Variants in EXD3 observed in about 807,000 individuals in gnomAD.
EXD3 encodes the protein exonuclease mut-7 homolog.
In EXD3, 92 loss-of-function variants were observed where a neutral mutation model predicts 98.0. The observed-to-expected ratio is 0.94, with a 90% CI of 0.79 to 1.12. The LOEUF (loss-of-function observed/expected upper bound fraction) is 1.12. Ranked by LOEUF, EXD3 falls within the 50% of genes most tolerant of loss-of-function variation. The pLI is 0.00. For missense variants in EXD3, 1,222 were observed against 1,191.6 expected (o/e 1.03, Z -0.38); for synonymous variants, 569 against 526.0 (o/e 1.08, Z -1.12).
intron 20 of EXD3, 38 bp from the exon 21 acceptor site, chr9:137,307,684 T>C: frequency 6.2e-7 from 1 of 1,604,490 alleles, no homozygotes; most frequent in Non-Finnish European, 8.5e-7. Context: ...GGGACTGTCC[T>C]AGGGATGGGG....
chr9:137,372,093 C>G (rs1227605079), intron 5 of EXD3, among the ~76,000 whole-genome samples: 1 of 152,198 alleles, frequency 6.6e-6, no homozygotes, highest in African/African-American at 2.4e-5. Context: ...CACTGTGATT[C>G]CAACAGCTCC....
chr9:137,388,790 C>A (rs1049766852), intron 2 of EXD3, among the ~76,000 whole-genome samples: 1 of 152,174 alleles, frequency 6.6e-6, no homozygotes, highest in South Asian at 2.1e-4. Flanking sequence ...CCGTCCCACA[C>A]CTGCCAGCAG....
rs1422953606 is a variant in EXD3, at chr9:137,330,146, C to G, written c.1999-6003G>C. ...ACACAGGAGCTACACAGGAACTACA[C>G]CGGAGCTACACAGGACTACACCGGA... On this transcript the variant is annotated intron_variant, in intron 17 of 21. Coordinates refer to ENST00000340951, the MANE Select transcript of EXD3 (RefSeq NM_017820.5). Among the ~76,000 whole-genome samples, 3 of 119,944 alleles carry G rather than the reference C, an allele frequency of 2.5e-5. No individual in the cohort carries two copies. The East Asian group carries it at 9.0e-4, about 36-fold the overall frequency. The allele number at this position is 119,944 out of a possible 152,430, so 78.7% of individuals were successfully genotyped here.
intron 19 of EXD3, 139 bp from the exon 20 acceptor site, chr9:137,309,839 C>T: frequency 1.5e-6 from 1 of 660,680 alleles, no homozygotes; most frequent in Non-Finnish European, 2.7e-6. Flanking sequence ...CTCCTGTCCC[C>T]ACGCATAGTC....
At chr9:137,355,769 A>T (rs1588338605) in intron 8 of EXD3, among the ~76,000 whole-genome samples, 1 of 150,596 alleles carries the variant, frequency 6.6e-6, no homozygotes, top group African/African-American at 2.4e-5. Flanking sequence ...TAAAATTCAA[A>T]CTTCCGGCCA....
At chr9:137,401,672 C>G (rs1008371921) in intron 1 of EXD3, among the ~76,000 whole-genome samples, 1 of 152,196 alleles carries the variant, frequency 6.6e-6, no homozygotes, top group Non-Finnish European at 1.5e-5. Flanking sequence ...AGCCACAGCC[C>G]GAGCTCTATG....
chr9:137,355,019 C>T (rs899842705), intron 8 of EXD3, among the ~76,000 whole-genome samples: 21 of 152,278 alleles, frequency 1.4e-4, no homozygotes, highest in Non-Finnish European at 2.6e-4. Flanking sequence ...GTCTGGCCTC[C>T]CTCTGGGGCC....
chr9:137,420,118 C>T (rs1375331380), intron 1 of EXD3, among the ~76,000 whole-genome samples: 2 of 151,958 alleles, frequency 1.3e-5, no homozygotes, highest in Non-Finnish European at 2.9e-5. Context: ...CGAGATTGTA[C>T]CACTGCACTC....
At chr9:137,364,594 C>A (rs1440307465) in intron 7 of EXD3, among the ~76,000 whole-genome samples, 2 of 151,378 alleles carry the variant, frequency 1.3e-5, no homozygotes, top group Non-Finnish European at 2.9e-5. Context: ...TGCACTCCAG[C>A]CTGGGCGACA....
At chr9:137,337,341 C>G (rs1833406509) in intron 17 of EXD3, among the ~76,000 whole-genome samples, 1 of 152,068 alleles carries the variant, frequency 6.6e-6, no homozygotes, top group Non-Finnish European at 1.5e-5. Context: ...TAGAATCAGG[C>G]AGAAAAGTAA....
chr9:137,418,534 G>A (rs558854170), intron 1 of EXD3, among the ~76,000 whole-genome samples: 2 of 152,068 alleles, frequency 1.3e-5, no homozygotes, highest in East Asian at 3.9e-4. Context: ...TGTAAAACAT[G>A]ATGAAATGGT....
At chr9:137,397,973 T>TAA (rs67488188) in intron 1 of EXD3, among the ~76,000 whole-genome samples, 51 of 151,892 alleles carry the variant, frequency 3.4e-4, no homozygotes, top group African/African-American at 1.2e-3. Flanking sequence ...TGAATAAAGT[T>TAA]AAAAAATATG....
At chr9:137,382,038 G>A (rs1480381620) in intron 3 of EXD3, among the ~76,000 whole-genome samples, 6 of 148,366 alleles carry the variant, frequency 4.0e-5, no homozygotes, top group South Asian at 2.1e-4. Flanking sequence ...GTGAGGGCGC[G>A]GGGAGGAGGT....
intron 17 of EXD3, among the ~76,000 whole-genome samples, chr9:137,330,273 A>G (rs1283242748): frequency 7.2e-6 from 1 of 138,440 alleles, no homozygotes; most frequent in Non-Finnish European, 1.5e-5. Flanking sequence ...GGAGCTACAC[A>G]GGAACTACAC....
At chr9:137,409,495 T>C (rs1397618343) in intron 1 of EXD3, among the ~76,000 whole-genome samples, 1 of 152,124 alleles carries the variant, frequency 6.6e-6, no homozygotes, top group African/African-American at 2.4e-5. Context: ...AGCAGGCGGA[T>C]TGCTTGAGTC....
chr9:137,421,813 G>T (rs1053137278), intron 1 of EXD3, among the ~76,000 whole-genome samples: 3 of 152,120 alleles, frequency 2.0e-5, no homozygotes, highest in African/African-American at 7.2e-5. Flanking sequence ...ACTCCAGCAT[G>T]GGTGACAGAG....
chr9:137,330,628 C>T lies in EXD3; in HGVS notation c.1999-6485G>A, dbSNP rs77498435. Among the ~76,000 whole-genome samples the T allele has an allele frequency of 8.5e-3, 843 of 99,254 alleles. 1 individual carries two copies. The highest frequency in any genetic ancestry group is 0.013 in the Non-Finnish European group (524 of 40,956). The allele number at this position is 99,254 out of a possible 152,430, so 65.1% of individuals were successfully genotyped here. ...ACTACACAGGACTACACAGGAACTA[C>T]ACAGGACTACACAGGAGCTACACAG... On this transcript the variant is annotated intron_variant, in intron 17 of 21. Transcript: ENST00000340951.
Position 137,356,312 on chromosome 9 carries a change from C to T in EXD3, c.713G>A (p.Ser238Asn). ...SLEKLSPKAL[S>N]RQVLRLQERY... Reference sequence around the variant, plus strand: ...CTCCTGCAGACGCAAGACCTGCCTGCTCAGCGCCTTCGGACTCAGCTTCTC... The same window carrying T: ...CTCCTGCAGACGCAAGACCTGCCTGTTCAGCGCCTTCGGACTCAGCTTCTC... The change falls in exon 8 of 22, where the codon AGC (serine) becomes AAC (asparagine). Residue 238 changes from serine (S) to asparagine (N), a missense_variant. Coordinates refer to ENST00000340951, the MANE Select transcript of EXD3 (RefSeq NM_017820.5). The T allele has an allele frequency of 6.2e-7, 1 of 1,604,998 alleles. No individual in the cohort carries two copies. Among genetic ancestry groups the T allele is most frequent in the Non-Finnish European group, 8.5e-7 (1 of 1,176,250 alleles).
rs1328598678 is a variant in EXD3 at position 137,407,471 on chromosome 9, G to C, written c.-47-12067C>G. On this transcript the variant is annotated intron_variant, in intron 1 of 21. Coordinates refer to ENST00000340951, the MANE Select transcript of EXD3 (RefSeq NM_017820.5). This position sits in a 1 kb window ranked among gnomAD's most constrained non-coding sequence, Gnocchi z 4.4. ...GGGCCTCTGTGCCGTGCAAAGGGCA[G>C]GTCTGGCCGCTCTCGGGCTCTGCCC... is the stretch of plus-strand genomic sequence containing the variant. Among the ~76,000 whole-genome samples the C allele has an allele frequency of 6.6e-6, 1 of 152,208 alleles. No homozygotes were observed. Among genetic ancestry groups the C allele is most frequent in the East Asian group, 1.9e-4 (1 of 5,184 alleles).
Sources: allele counts gnomAD v4.1 joint callset (sites outside exome capture counted in the v4.1 genomes callset), GRCh38; gene constraint gnomAD v4.1.1; non-coding constraint Gnocchi (gnomAD v3.1); transcripts MANE v1.5; gene names NCBI Gene and HGNC (gene_info 2026-07-23, HGNC 2026-07-21).